DMBT1: variants seen among roughly 807,000 people sequenced by gnomAD.
DMBT1 encodes deleted in malignant brain tumors 1, also known as scavenger receptor cysteine-rich domain-containing protein DMBT1.
A neutral mutation model predicts 252.9 loss-of-function variants in DMBT1; 198 were observed. The ratio of observed to expected loss-of-function variants is 0.78; its 90% CI spans 0.70 to 0.88. The LOEUF (loss-of-function observed/expected upper bound fraction) is 0.88, where lower values mean the gene tolerates loss of function less well. DMBT1 is among the 40% of genes least tolerant of loss of function. The probability of loss-of-function intolerance (pLI) is 0.00; values close to 1 mark genes in which losing one functional copy is unlikely to be tolerated. For synonymous variants in DMBT1, 990 were observed against 942.7 expected, an observed-to-expected ratio of 1.05 and a Z score of -0.92; for missense variants, 2,432 against 2,404.7, an observed-to-expected ratio of 1.01 and a Z score of -0.24.
chr10:122,635,880 T>C (rs1566019411), intron 52 of DMBT1, 111 bp from the exon 53 acceptor site: 2 of 1,171,716 alleles, frequency 1.7e-6, no homozygotes, highest in Non-Finnish European at 2.5e-6. Context: ...CTTTCATCGA[T>C]GAACTTTGTC....
At chr10:122,585,970 G>T in intron 15 of DMBT1, 90 bp from the exon 16 acceptor site, 2 of 1,564,990 alleles carry the variant, frequency 1.3e-6, no homozygotes, top group South Asian at 2.4e-5. Context: ...GGTGACTTTA[G>T]CCATTAGGAC....
chr10:122,568,316 T>C (rs1278900407), intron 2 of DMBT1, among the ~76,000 whole-genome samples: 1 of 152,010 alleles, frequency 6.6e-6, no homozygotes, highest in African/African-American at 2.4e-5. Flanking sequence ...GGTCTAGAGC[T>C]CAGGGCTGGG....
chr10:122,565,688 TA>T (rs2097583944), intron 1 of DMBT1, among the ~76,000 whole-genome samples: 1 of 152,232 alleles, frequency 6.6e-6, no homozygotes, highest in Non-Finnish European at 1.5e-5. Flanking sequence ...TTTCCAAGCA[TA>T]GATTACATCC....
In DMBT1 at chr10:122,619,331, A is replaced by C; in HGVS notation, c.5239A>C (p.Arg1747=). The change falls in exon 42 of 56, where the codon AGG becomes CGG. Residue 1747 remains arginine (R), a synonymous_variant. Transcript: ENST00000338354. Reference sequence around the variant, plus strand: ...AGCTGCTCAGTCCCAGTCAACGCCCAGGCCAGGTGAGTCCCCAGCATCCTT... The same window carrying C: ...AGCTGCTCAGTCCCAGTCAACGCCCCGGCCAGGTGAGTCCCCAGCATCCTT... ...CSAAQSQSTP[R]PDTWLTTNLP... is the part of the protein sequence containing the mutation. 1.2e-6 allele frequency: 2 copies of C among 1,613,956 alleles called. No individual in the cohort carries two copies. Among genetic ancestry groups the C allele is most frequent in the Non-Finnish European group, 8.5e-7 (1 of 1,179,860 alleles).
intron 16 of DMBT1, among the ~76,000 whole-genome samples, chr10:122,587,385 A>G (rs1448977728): frequency 6.7e-6 from 1 of 148,616 alleles, no homozygotes; most frequent in Non-Finnish European, 1.5e-5. Context: ...TGGGGGTGTG[A>G]GTGCTTGATT....
chr10:122,600,867 A>T, intron 27 of DMBT1, 124 bp from the exon 28 acceptor site: 1 of 859,156 alleles, frequency 1.2e-6, no homozygotes, highest in South Asian at 1.4e-5. Context: ...GACACATGGG[A>T]AGCAAGTGGC....
intron 54 of DMBT1, among the ~76,000 whole-genome samples, chr10:122,637,607 G>C (rs1010628964): frequency 1.3e-5 from 2 of 152,224 alleles, no homozygotes; most frequent in African/African-American, 2.4e-5. Context: ...AGCAGCTCCA[G>C]ATTTTGCAGG....
rs1280739715 is a variant in DMBT1, at chr10:122,631,835, T to C, written c.6347-20T>C. On this transcript the variant is annotated intron_variant, in intron 49 of 55. Transcript: ENST00000338354. Reference sequence around the variant, plus strand: ...AGCCACATGTCTGTGACCTATGCTTTTTTTCTATTCCTTTTTCAGGAAACC... The same window carrying C: ...AGCCACATGTCTGTGACCTATGCTTCTTTTCTATTCCTTTTTCAGGAAACC... The C allele has an allele frequency of 6.2e-7, 1 of 1,613,830 alleles. No homozygotes were observed. The highest frequency in any genetic ancestry group is 8.5e-7 in the Non-Finnish European group (1 of 1,179,828).
rs552181807 is a variant in DMBT1, at chr10:122,599,187, G to A, written c.3280+90G>A. The A allele has an allele frequency of 4.6e-5, 73 of 1,595,118 alleles. No homozygotes were observed. The Admixed American group carries it at 7.9e-4, about 17-fold the overall frequency. ...TTACATTCTGATCTCCTCACTCAAA[G>A]CTTCTTCTATGTTTTCTATATTTCT... On this transcript the variant is annotated intron_variant, in intron 26 of 55. Coordinates refer to ENST00000338354, the MANE Select transcript of DMBT1 (RefSeq NM_001377530.1).
At chr10:122,564,707 T>C (rs1343215853) in intron 1 of DMBT1, among the ~76,000 whole-genome samples, 1 of 152,036 alleles carries the variant, frequency 6.6e-6, no homozygotes, top group East Asian at 1.9e-4. Context: ...CCTATCGAAG[T>C]GTGTAAGAGT....
intron 44 of DMBT1, among the ~76,000 whole-genome samples, chr10:122,623,188 T>C (rs1212437249): frequency 6.6e-6 from 1 of 152,258 alleles, no homozygotes; most frequent in Non-Finnish European, 1.5e-5. Flanking sequence ...TTCATTCACT[T>C]AACATAATGT....
chr10:122,585,420 C>T, intron 15 of DMBT1, 111 bp downstream of exon 15: 6 of 1,354,112 alleles, frequency 4.4e-6, no homozygotes, highest in Non-Finnish European at 6.2e-6. Flanking sequence ...TTTTCATGTC[C>T]CTGTGGGTTG....
Position 122,592,468 on chromosome 10 carries a change from C to T in DMBT1, c.2373C>T (p.Gly791=), listed in dbSNP as rs768118544. The T allele has an allele frequency of 1.1e-5, 17 of 1,587,986 alleles. 1 individual carries two copies. The highest frequency in any genetic ancestry group is 1.7e-4 in the Middle Eastern group (1 of 6,028). The change falls in exon 20 of 56, where the codon GGC becomes GGT. Residue 791 remains glycine (G), a synonymous_variant. Coordinates refer to ENST00000338354, the MANE Select transcript of DMBT1 (RefSeq NM_001377530.1). ...CAGGAAATGCCCGGTTTGGCCAGGG[C>T]TCAGGACCCATTGTTCTGGATGATG... is the stretch of plus-strand genomic sequence containing the variant. ...SAPGNARFGQ[G]SGPIVLDDVR... is the part of the protein sequence containing the mutation.
chr10:122,629,862 C>T lies in DMBT1; in HGVS notation c.5691C>T (p.Gly1897=). ...TAGGACCCTCTTCAAATTGTGGTGGCTTCTTATTCTATGCCAGTGGGACAT... is the reference window on the plus strand; with the variant it reads ...TAGGACCCTCTTCAAATTGTGGTGGTTTCTTATTCTATGCCAGTGGGACAT... The part of the protein sequence containing the change: ...TTARPSSNCG[G]FLFYASGTFS... The change falls in exon 47 of 56, where the codon GGC becomes GGT. Residue 1897 remains glycine, a synonymous_variant. Transcript: ENST00000338354. 1 of 1,614,002 alleles carries T rather than the reference C, an allele frequency of 6.2e-7. No homozygotes were observed. Among genetic ancestry groups the T allele is most frequent in the African/African-American group, 1.3e-5 (1 of 75,054 alleles).
intron 2 of DMBT1, among the ~76,000 whole-genome samples, chr10:122,566,602 G>A (rs1167676772): frequency 6.6e-6 from 1 of 152,108 alleles, no homozygotes; most frequent in Non-Finnish European, 1.5e-5. Context: ...GAGCCACTGC[G>A]CCCGGCCTAC....
chr10:122,629,763 T>C (rs1252589568), intron 46 of DMBT1, 77 bp from the exon 47 acceptor site: 1 of 1,527,186 alleles, frequency 6.5e-7, no homozygotes, highest in Non-Finnish European at 8.9e-7. Context: ...AACTGGATGA[T>C]ACTTACACAG....
chr10:122,620,787 T>G (rs1449324438), intron 43 of DMBT1, among the ~76,000 whole-genome samples: 3 of 152,172 alleles, frequency 2.0e-5, no homozygotes, highest in Non-Finnish European at 4.4e-5. Flanking sequence ...AGAATGGAGC[T>G]CAGAATGAGG....
intron 7 of DMBT1, 107 bp downstream of exon 7, chr10:122,576,829 C>A: frequency 7.1e-7 from 1 of 1,408,388 alleles, no homozygotes; most frequent in Non-Finnish European, 9.9e-7. Flanking sequence ...GCGTTCAAGA[C>A]CAGCTCTAGG....
chr10:122,580,617 T>G (rs1186048576), intron 10 of DMBT1, among the ~76,000 whole-genome samples: 1 of 152,084 alleles, frequency 6.6e-6, no homozygotes, highest in Non-Finnish European at 1.5e-5. Context: ...GTGGGTTGGT[T>G]TAGGTCAACC....
Sources: allele counts gnomAD v4.1 joint callset (sites outside exome capture counted in the v4.1 genomes callset), GRCh38; gene constraint gnomAD v4.1.1; transcripts MANE v1.5; gene names NCBI Gene and HGNC (gene_info 2026-07-23, HGNC 2026-07-21).